SPTSSB: variants seen among roughly 807,000 people sequenced by gnomAD.
SPTSSB encodes androgen down regulated in mouse prostate.
In SPTSSB, 6 loss-of-function variants were observed where a neutral mutation model predicts 7.7. That is an observed-to-expected ratio of 0.78 (90% confidence interval 0.43 to 1.54). The LOEUF is 1.54. Among genes scored for constraint, SPTSSB ranks in the 40% most tolerant of loss-of-function variants. The pLI is 0.01. For missense variants in SPTSSB, 91 were observed against 93.0 expected (o/e 0.98, Z 0.09); for synonymous variants, 28 against 29.7 (o/e 0.94, Z 0.19).
intron 1 of SPTSSB, among the ~76,000 whole-genome samples, chr3:161,369,507 A>G (rs906645043): frequency 6.9e-6 from 1 of 144,606 alleles, no homozygotes; most frequent in Non-Finnish European, 1.5e-5. Context: ...ACACCTTCTC[A>G]TGTGTAAATT....
At chr3:161,369,344 C>CTT (rs1203862929) in intron 1 of SPTSSB, among the ~76,000 whole-genome samples, 1 of 43,060 alleles carries the variant, frequency 2.3e-5, no homozygotes, top group African/African-American at 8.9e-5. Flanking sequence ...TTCTTTCTTT[C>CTT]TTTCTTTCTC....
chr3:161,358,558 G>A (rs1455726496), intron 2 of SPTSSB, among the ~76,000 whole-genome samples: 2 of 152,180 alleles, frequency 1.3e-5, no homozygotes, highest in Non-Finnish European at 2.9e-5. Context: ...TAGCTATTAT[G>A]ATTACTACCA....
chr3:161,363,014 A>G (rs762022798), intron 1 of SPTSSB, among the ~76,000 whole-genome samples: 39 of 151,934 alleles, frequency 2.6e-4, no homozygotes, highest in Non-Finnish European at 4.1e-4. Context: ...AAAAGTAACC[A>G]AATTAATTTA....
rs1233126771 is a variant in SPTSSB, at chr3:161,363,710, A to G, written c.-125-3816T>C. Among the ~76,000 whole-genome samples, 5 of 152,084 alleles carry G rather than the reference A, an allele frequency of 3.3e-5. No individual in the cohort carries two copies. The East Asian group carries it at 7.7e-4, about 23-fold the overall frequency. On this transcript the variant is annotated intron_variant, in intron 1 of 2. Transcript: ENST00000620149. ...TGATTGTAGTCAAAGTATGTATTTAATTCTGTATTCTGATTTTTTCAATTA... is the reference window on the plus strand; with the variant it reads ...TGATTGTAGTCAAAGTATGTATTTAGTTCTGTATTCTGATTTTTTCAATTA...
chr3:161,355,121 C>G (rs1219351697), intron 2 of SPTSSB, among the ~76,000 whole-genome samples: 1 of 152,136 alleles, frequency 6.6e-6, no homozygotes, highest in Non-Finnish European at 1.5e-5. Context: ...TCTGGCAATA[C>G]TGGAAGGGAG....
At chr3:161,348,551 T>C (rs1419261949) in intron 2 of SPTSSB, among the ~76,000 whole-genome samples, 2 of 152,126 alleles carry the variant, frequency 1.3e-5, no homozygotes, top group Non-Finnish European at 1.5e-5. Flanking sequence ...AAACAGCAGA[T>C]AAAAAGCACA....
Position 161,369,820 on chromosome 3 carries a change from C to G in SPTSSB, c.-126+1615G>C, listed in dbSNP as rs1226796304. Among the ~76,000 whole-genome samples, 31 of 152,124 alleles carry G rather than the reference C, an allele frequency of 2.0e-4. 1 individual carries two copies. Among genetic ancestry groups the G allele is most frequent in the Admixed American group, 2.0e-3 (31 of 15,276 alleles). The stretch of plus-strand genomic sequence containing the variant: ...CCATCCTTACTGGAACATCATCACA[C>G]TCAACTGGAGAGGGTGGGGAAATAT... On this transcript the variant is annotated intron_variant, in intron 1 of 2. Coordinates refer to ENST00000620149, the MANE Select transcript of SPTSSB (RefSeq NM_001040100.2).
At chr3:161,354,265 AGGT>A (rs1228940288) in intron 2 of SPTSSB, among the ~76,000 whole-genome samples, 5 of 152,362 alleles carry the variant, frequency 3.3e-5, no homozygotes, top group Admixed American at 3.3e-4. Flanking sequence ...CAGTTCAGTC[AGGT>A]TGTTGTTGAT....
rs536570639 is a variant in SPTSSB at position 161,361,886 on chromosome 3, G to A, written c.-125-1992C>T. On this transcript the variant is annotated intron_variant, in intron 1 of 2. Transcript: ENST00000620149. Reference sequence around the variant, plus strand: ...TAGCAGATCACAGAGTTACTGTTTTGTATTTGCATTGATGCTTGTTTCCTC... The same window carrying A: ...TAGCAGATCACAGAGTTACTGTTTTATATTTGCATTGATGCTTGTTTCCTC... Among the ~76,000 whole-genome samples the A allele has an allele frequency of 9.1e-4, 138 of 152,210 alleles. 2 individuals are homozygous for A. The highest frequency in any genetic ancestry group is 3.4e-3 in the Middle Eastern group (1 of 294).
At chr3:161,371,336 A>C in intron 1 of SPTSSB, 99 bp downstream of exon 1, 1 of 791,214 alleles carries the variant, frequency 1.3e-6, no homozygotes, top group South Asian at 5.7e-5. Flanking sequence ...GATAAATTGC[A>C]TTAAAGCTCA....
At chr3:161,366,076 C>T (rs73162561) in intron 1 of SPTSSB, among the ~76,000 whole-genome samples, 1 of 152,316 alleles carries the variant, frequency 6.6e-6, no homozygotes, top group Non-Finnish European at 1.5e-5. Flanking sequence ...AACACTTTCA[C>T]TCTTCAAACG....
intron 1 of SPTSSB, among the ~76,000 whole-genome samples, chr3:161,360,672 G>A (rs981597742): frequency 2.0e-5 from 3 of 152,100 alleles, no homozygotes; most frequent in East Asian, 1.9e-4. Flanking sequence ...AGAAAAGTAC[G>A]TATCATCAAA....
intron 1 of SPTSSB, among the ~76,000 whole-genome samples, chr3:161,370,630 T>C (rs1274595570): frequency 6.6e-6 from 1 of 152,232 alleles, no homozygotes; most frequent in Non-Finnish European, 1.5e-5. Flanking sequence ...AAAAACAATT[T>C]TCCCAACTCC....
At chr3:161,352,466 T>G (rs1048660868) in intron 2 of SPTSSB, among the ~76,000 whole-genome samples, 1 of 152,230 alleles carries the variant, frequency 6.6e-6, no homozygotes, top group Admixed American at 6.5e-5. Context: ...CTCTCTTTTA[T>G]GTGTTACCAT....
intron 1 of SPTSSB, among the ~76,000 whole-genome samples, chr3:161,361,516 A>G (rs1460746611): frequency 6.6e-6 from 1 of 152,170 alleles, no homozygotes; most frequent in East Asian, 1.9e-4. Flanking sequence ...GGCAAACTGG[A>G]GTTTGCTATT....
At chr3:161,364,802 G>C (rs1468906459) in intron 1 of SPTSSB, among the ~76,000 whole-genome samples, 2 of 151,988 alleles carry the variant, frequency 1.3e-5, no homozygotes, top group Admixed American at 1.3e-4. Flanking sequence ...TGATATTTTG[G>C]CTATATATGG....
intron 1 of SPTSSB, among the ~76,000 whole-genome samples, chr3:161,362,891 G>C (rs1715065860): frequency 6.6e-6 from 1 of 151,834 alleles, no homozygotes; most frequent in Non-Finnish European, 1.5e-5. Context: ...TTCTGTTGCA[G>C]CTTTATACAA....
chr3:161,357,545 G>A (rs759868009), intron 2 of SPTSSB, among the ~76,000 whole-genome samples: 12 of 152,190 alleles, frequency 7.9e-5, no homozygotes, highest in Non-Finnish European at 1.6e-4. Flanking sequence ...ACTTATATTG[G>A]GATTTTGTAG....
intron 2 of SPTSSB, among the ~76,000 whole-genome samples, chr3:161,350,150 A>G (rs1474862592): frequency 6.6e-6 from 1 of 152,324 alleles, no homozygotes; most frequent in South Asian, 2.1e-4. Context: ...GGGCTTGCTC[A>G]GGGAGCTCTT....
Sources: allele counts gnomAD v4.1 joint callset (sites outside exome capture counted in the v4.1 genomes callset), GRCh38; gene constraint gnomAD v4.1.1; transcripts MANE v1.5; gene names NCBI Gene and HGNC (gene_info 2026-07-23, HGNC 2026-07-21).